FIG4: variants seen among roughly 807,000 people sequenced by gnomAD.
FIG4 encodes the protein FIG4 phosphoinositide 5-phosphatase.
FIG4 carries 112 observed loss-of-function variants against 118.6 expected under a neutral mutation model. The ratio of observed to expected loss-of-function variants is 0.94; its 90% CI spans 0.81 to 1.11. The LOEUF (loss-of-function observed/expected upper bound fraction) is 1.11. FIG4 is among the 50% of genes least tolerant of loss of function. The pLI is 0.00. For synonymous variants in FIG4, 369 were observed against 381.2 expected (o/e 0.97, Z 0.37); for missense variants, 969 against 1,111.7 (o/e 0.87, Z 1.83).
In FIG4 at chr6:109,766,765, C is replaced by T. The variant is rs746367416; in HGVS notation, c.1620C>T (p.Thr540=). 89 of 1,613,482 alleles carry T rather than the reference C, an allele frequency of 5.5e-5. No homozygotes were observed. The highest frequency in any genetic ancestry group is 6.8e-5 in the Non-Finnish European group (80 of 1,179,806). The change falls in exon 15 of 23, where the codon ACC becomes ACT. Residue 540 remains threonine, a synonymous_variant. Coordinates refer to ENST00000230124, the MANE Select transcript of FIG4 (RefSeq NM_014845.6). ...AACTCTATGAAGATCATGGTGATACCCTATCCCTTCAGTATGGTGGTTCTC... is the reference window on the plus strand; with the variant it reads ...AACTCTATGAAGATCATGGTGATACTCTATCCCTTCAGTATGGTGGTTCTC... ...FEELYEDHGD[T]LSLQYGGSQL... is the part of the protein sequence containing the mutation.
At chr6:109,770,401 T>C (rs1395813281) in intron 15 of FIG4, among the ~76,000 whole-genome samples, 2 of 152,200 alleles carry the variant, frequency 1.3e-5, no homozygotes, top group African/African-American at 4.8e-5. Context: ...CACATGCGTG[T>C]GCATAATTTG....
At chr6:109,768,167 C>T (rs1039917941) in intron 15 of FIG4, among the ~76,000 whole-genome samples, 2 of 152,132 alleles carry the variant, frequency 1.3e-5, no homozygotes, top group African/African-American at 4.8e-5. Context: ...AGGGTGCCAG[C>T]ATGGGGTTGG....
chr6:109,716,320 C>T, intron 2 of FIG4, 125 bp from the exon 3 acceptor site: 1 of 929,180 alleles, frequency 1.1e-6, no homozygotes, highest in Non-Finnish European at 1.7e-6. Flanking sequence ...TACTTGTGTA[C>T]TATTATATAC....
chr6:109,755,283 T>A (rs1386389682), intron 10 of FIG4, among the ~76,000 whole-genome samples: 1 of 152,260 alleles, frequency 6.6e-6, no homozygotes, highest in Admixed American at 6.5e-5. Flanking sequence ...CTAGTTTGAT[T>A]GCACTGTGGT....
chr6:109,708,263 G>A (rs907688622), intron 1 of FIG4, among the ~76,000 whole-genome samples: 21 of 152,128 alleles, frequency 1.4e-4, no homozygotes, highest in African/African-American at 5.1e-4. Context: ...CGTTTGCCAA[G>A]GATAATGGCC....
At chr6:109,694,862 A>G (rs118150758) in intron 1 of FIG4, among the ~76,000 whole-genome samples, 297 of 152,346 alleles carry the variant, frequency 1.9e-3, no homozygotes, top group Admixed American at 5.0e-3. Context: ...TTATCAGGGA[A>G]ATGCAAATTA....
At chr6:109,820,501 T>C (rs375333985) in intron 22 of FIG4, among the ~76,000 whole-genome samples, 1 of 151,464 alleles carries the variant, frequency 6.6e-6, no homozygotes, top group African/African-American at 2.4e-5. Flanking sequence ...CCGGCAAGAG[T>C]AGACGTGGGA....
At position 109,762,099 on chromosome 6, in the gene FIG4, G is replaced by A; in HGVS notation, c.1280G>A (p.Cys427Tyr). The change falls in exon 12 of 23, where the codon TGT (cysteine) becomes TAT (tyrosine). Residue 427 changes from cysteine (C) to tyrosine (Y), a missense_variant. Coordinates refer to ENST00000230124, the MANE Select transcript of FIG4 (RefSeq NM_014845.6). ...CTTCCTTCTCTCCTCAGCAAGCTGT[G>A]TAATGTTCTTGATCGACTAAATGTG... ...DMAKYTKSKL[C>Y]NVLDRLNVIA... 1 of 1,604,328 alleles carries A rather than the reference G, an allele frequency of 6.2e-7. No individual in the cohort carries two copies. The highest frequency in any genetic ancestry group is 1.1e-5 in the South Asian group (1 of 90,884).
At chr6:109,795,094 A>ATTT (rs1562688787) in intron 21 of FIG4, among the ~76,000 whole-genome samples, 1 of 77,190 alleles carries the variant, frequency 1.3e-5, no homozygotes, top group Non-Finnish European at 2.9e-5. Context: ...TACACTTGCC[A>ATTT]GTTTTTTTTT....
intron 1 of FIG4, among the ~76,000 whole-genome samples, chr6:109,712,606 C>G (rs1775301473): frequency 1.3e-5 from 2 of 152,172 alleles, no homozygotes; most frequent in Admixed American, 1.3e-4. Context: ...CAGAAATGTT[C>G]TCTATGCTGG....
At chr6:109,692,810 C>T (rs551278439) in intron 1 of FIG4, among the ~76,000 whole-genome samples, 15 of 151,992 alleles carry the variant, frequency 9.9e-5, no homozygotes, top group African/African-American at 3.1e-4. Context: ...AAGAAGTTCT[C>T]GCACCCCAGC....
chr6:109,800,242 A>G (rs1183496008), intron 22 of FIG4, among the ~76,000 whole-genome samples: 8 of 152,210 alleles, frequency 5.3e-5, no homozygotes, highest in African/African-American at 1.9e-4. Flanking sequence ...TGGGGTAGCA[A>G]TGCTTTATTA....
intron 3 of FIG4, among the ~76,000 whole-genome samples, chr6:109,724,010 A>T (rs1562646644): frequency 6.6e-6 from 1 of 152,126 alleles, no homozygotes; most frequent in Non-Finnish European, 1.5e-5. Flanking sequence ...TTTGACATTA[A>T]TTATCAAGAG....
In FIG4 at chr6:109,791,360, A is replaced by G. The variant is rs758620263; in HGVS notation, c.2181-16A>G. The G allele has an allele frequency of 6.2e-7, 1 of 1,607,848 alleles. No homozygotes were observed. The highest frequency in any genetic ancestry group is 2.2e-5 in the East Asian group (1 of 44,876). On this transcript the variant is annotated splice_polypyrimidine_tract_variant and intron_variant, in intron 19 of 22. Coordinates refer to ENST00000230124, the MANE Select transcript of FIG4 (RefSeq NM_014845.6). ...TAGTTTAAAGATGCTTCACTTCCAT[A>G]TTATTCTTTTAAAAGAAACAAAAGC... is the stretch of plus-strand genomic sequence containing the variant.
At chr6:109,755,899 G>A (rs1001429593) in intron 10 of FIG4, among the ~76,000 whole-genome samples, 13 of 152,114 alleles carry the variant, frequency 8.5e-5, no homozygotes, top group Non-Finnish European at 1.6e-4. Context: ...CAATTTGCCA[G>A]TCTGTGTCTT....
chr6:109,819,787 AC>A (rs1562701315), intron 22 of FIG4, among the ~76,000 whole-genome samples: 1 of 152,228 alleles, frequency 6.6e-6, no homozygotes, highest in East Asian at 1.9e-4. Context: ...ACAATAGTTC[AC>A]CTTTACTGAG....
chr6:109,777,573 G>A (rs1452936227), intron 16 of FIG4, among the ~76,000 whole-genome samples: 1 of 152,170 alleles, frequency 6.6e-6, no homozygotes, highest in Non-Finnish European at 1.5e-5. Context: ...CAGCTAAGCA[G>A]CATGTACCTT....
intron 15 of FIG4, among the ~76,000 whole-genome samples, chr6:109,768,995 T>C (rs560130839): frequency 2.0e-5 from 3 of 152,116 alleles, no homozygotes; most frequent in Non-Finnish European, 4.4e-5. Flanking sequence ...TACGTACATA[T>C]CCCTCAGGGT....
chr6:109,691,510 C>G lies in FIG4; in HGVS notation c.66+9C>G. On this transcript the variant is annotated intron_variant, in intron 1 of 22. Transcript: ENST00000230124. The stretch of plus-strand genomic sequence containing the variant: ...TGTATGAGACTAGAGCTGTGAGTAC[C>G]CCCTCGCGGCGGGGCGCAGGCGGGA... 2 of 1,569,292 alleles carry G rather than the reference C, an allele frequency of 1.3e-6. No individual in the cohort carries two copies. The highest frequency in any genetic ancestry group is 1.7e-4 in the Middle Eastern group (1 of 5,982).
Sources: gnomAD v4.1 joint callset for allele counts (sites outside exome capture counted in the v4.1 genomes callset) on GRCh38, gnomAD v4.1.1 for gene constraint, MANE v1.5 for transcripts, NCBI Gene and HGNC (gene_info 2026-07-23, HGNC 2026-07-21) for gene names.